Variants in C10orf67 observed in about 807,000 individuals in gnomAD.
The protein encoded by C10orf67 is chromosome 10 open reading frame 67, also known as uncharacterized protein C10orf67, mitochondrial.
C10orf67 carries 60 observed loss-of-function variants against 35.6 expected under a neutral mutation model. That is an observed-to-expected ratio of 1.68 (90% CI 1.37 to 2.09). C10orf67 has a LOEUF of 2.09. C10orf67 is among the 30% of genes most tolerant of loss of function. The pLI, the probability that C10orf67 is intolerant of heterozygous loss-of-function variation, is 0.00. For missense variants in C10orf67, 474 were observed against 330.2 expected (o/e 1.44, Z -3.38); for synonymous variants, 167 against 115.8 (o/e 1.44, Z -2.84).
intron 2 of C10orf67, among the ~76,000 whole-genome samples, chr10:23,325,946 C>T (rs933623225): frequency 1.3e-5 from 2 of 151,560 alleles, no homozygotes; most frequent in African/African-American, 4.8e-5. Flanking sequence ...AACAGAAGAA[C>T]AAAGATGGCA....
chr10:23,205,656 A>T (rs542371526), intron 15 of C10orf67, among the ~76,000 whole-genome samples: 1 of 152,334 alleles, frequency 6.6e-6, no homozygotes, highest in African/African-American at 2.4e-5. Context: ...AAATGTCCTG[A>T]ACAATCTGGG....
rs145447346 is a variant in C10orf67 at position 23,290,217 on chromosome 10, C to T, written c.851-259G>A. 3.0e-3 allele frequency among the ~76,000 whole-genome samples: 456 copies of T among 152,250 alleles called. 2 individuals are homozygous for T. Among genetic ancestry groups the T allele is most frequent in the African/African-American group, 0.01 (417 of 41,552 alleles). Reference sequence around the variant, plus strand: ...GCTGAAAGCTTTTCATCAATACTAGCGACGGACATTTTTGCTGTTGGTCAC... The same window carrying T: ...GCTGAAAGCTTTTCATCAATACTAGTGACGGACATTTTTGCTGTTGGTCAC... On this transcript the variant is annotated intron_variant, in intron 6 of 15. Transcript: ENST00000636213.
intron 15 of C10orf67, among the ~76,000 whole-genome samples, chr10:23,220,371 C>A (rs1284730875): frequency 6.6e-6 from 1 of 152,096 alleles, no homozygotes. Flanking sequence ...ATCCTCATAA[C>A]AAACCTATGA....
intron 12 of C10orf67, among the ~76,000 whole-genome samples, chr10:23,248,106 C>T (rs1239086226): frequency 2.0e-5 from 3 of 152,106 alleles, no homozygotes; most frequent in African/African-American, 4.8e-5. Flanking sequence ...ATATGCAAGC[C>T]AGAGTGGCAC....
intron 1 of C10orf67, among the ~76,000 whole-genome samples, chr10:23,335,008 G>T (rs1332505922): frequency 6.6e-6 from 1 of 152,084 alleles, no homozygotes; most frequent in Non-Finnish European, 1.5e-5. Context: ...GGCCAATATG[G>T]CAAAACCCCG....
At chr10:23,295,818 C>T (rs1361340723) in intron 5 of C10orf67, among the ~76,000 whole-genome samples, 1 of 152,096 alleles carries the variant, frequency 6.6e-6, no homozygotes, top group Non-Finnish European at 1.5e-5. Flanking sequence ...CTTCCTAGTC[C>T]AAGATATATA....
At chr10:23,263,119 C>T (rs1233134517) in intron 10 of C10orf67, among the ~76,000 whole-genome samples, 3 of 152,134 alleles carry the variant, frequency 2.0e-5, no homozygotes, top group Non-Finnish European at 2.9e-5. Context: ...GGATAAACAA[C>T]AGGTAAAGTG....
chr10:23,252,696 T>A (rs991921389), intron 10 of C10orf67, among the ~76,000 whole-genome samples: 2 of 152,204 alleles, frequency 1.3e-5, no homozygotes, highest in Non-Finnish European at 2.9e-5. Context: ...GAACAAACAA[T>A]AAGAATAGGA....
At chr10:23,276,787 G>A (rs1843201945) in intron 8 of C10orf67, among the ~76,000 whole-genome samples, 1 of 152,010 alleles carries the variant, frequency 6.6e-6, no homozygotes, top group Non-Finnish European at 1.5e-5. Flanking sequence ...TTCCTTATGT[G>A]GAAATTTGGA....
intron 4 of C10orf67, among the ~76,000 whole-genome samples, chr10:23,313,324 G>A (rs1054165900): frequency 3.3e-5 from 5 of 152,184 alleles, no homozygotes; most frequent in South Asian, 2.1e-4. Context: ...GAATCAAAAC[G>A]TGAGTGAAAG....
intron 4 of C10orf67, among the ~76,000 whole-genome samples, chr10:23,306,681 C>T (rs567467323): frequency 3.3e-5 from 5 of 151,994 alleles, no homozygotes; most frequent in Non-Finnish European, 5.9e-5. Flanking sequence ...TGGTTAATAA[C>T]GCTGTATTGT....
chr10:23,261,128 T>C (rs1361432124), intron 10 of C10orf67, among the ~76,000 whole-genome samples: 1 of 152,156 alleles, frequency 6.6e-6, no homozygotes, highest in Non-Finnish European at 1.5e-5. Flanking sequence ...TTCATGGTAT[T>C]AGGTGTAGAT....
chr10:23,315,729 G>C (rs1470799441), intron 4 of C10orf67, among the ~76,000 whole-genome samples: 1 of 152,092 alleles, frequency 6.6e-6, no homozygotes, highest in Non-Finnish European at 1.5e-5. Context: ...GCATGAGCCT[G>C]GCCAAAAGCA....
intron 10 of C10orf67, among the ~76,000 whole-genome samples, chr10:23,265,499 C>T (rs1842864504): frequency 6.6e-6 from 1 of 152,336 alleles, no homozygotes; most frequent in South Asian, 2.1e-4. Flanking sequence ...ATATGTGTCA[C>T]CAATTGGGTT....
At chr10:23,212,418 G>T (rs182243304) in intron 15 of C10orf67, among the ~76,000 whole-genome samples, 38 of 152,286 alleles carry the variant, frequency 2.5e-4, no homozygotes, top group African/African-American at 8.9e-4. Context: ...CATCCTGATG[G>T]TCAAGAATAA....
In C10orf67 at chr10:23,344,605, C is replaced by A. The variant is rs866822223; in HGVS notation, c.170G>T (p.Arg57Leu). ...GCGCATTTGCGGGGGCTTGAATTCC[C>A]GAGCTTCTCGCTTCCTACGCGCGCA... ...VCCARRKREA[R>L]EFKPPQMRGS... The change falls in exon 1 of 16, where the codon CGG becomes CTG. Residue 57 changes from arginine to leucine, a missense_variant. Physicochemically the swap from Arg to Leu is moderately radical, Grantham distance 102. Transcript: ENST00000636213. 1 of 1,581,952 alleles carries A rather than the reference C, an allele frequency of 6.3e-7. No individual in the cohort carries two copies. The highest frequency in any genetic ancestry group is 8.6e-7 in the Non-Finnish European group (1 of 1,164,982).
chr10:23,204,035 T>C lies in C10orf67; in HGVS notation c.*138A>G, dbSNP rs1340846775. 5 of 406,854 alleles carry C rather than the reference T, an allele frequency of 1.2e-5. No homozygotes were observed. The highest frequency in any genetic ancestry group is 8.8e-6 in the Non-Finnish European group (2 of 226,560). The allele number at this position is 406,854 out of a possible 1,614,324, so 25.2% of individuals were successfully genotyped here. On this transcript the variant is annotated 3_prime_UTR_variant, in exon 16 of 16. Coordinates refer to ENST00000636213, the MANE Select transcript of C10orf67 (RefSeq NM_001371909.1). ...TATTCGAGCGCAGTGCTGGTTAATA[T>C]ACATAATCTGGAGAGATTAAACAAT... is the stretch of plus-strand genomic sequence containing the variant.
intron 15 of C10orf67, among the ~76,000 whole-genome samples, chr10:23,220,378 A>G (rs79315283): frequency 0.057 from 8,630 of 152,182 alleles, 771 homozygotes; most frequent in African/African-American, 0.19. Flanking sequence ...TAACAAACCT[A>G]TGAGGTGGGG....
chr10:23,315,140 A>G (rs1023527290), intron 4 of C10orf67, among the ~76,000 whole-genome samples: 18 of 152,252 alleles, frequency 1.2e-4, no homozygotes, highest in Non-Finnish European at 1.5e-4. Context: ...CCAACAAGCC[A>G]AAGCAAAGAT....
Sources: allele counts gnomAD v4.1 joint callset (sites outside exome capture counted in the v4.1 genomes callset), GRCh38; gene constraint gnomAD v4.1.1; transcripts MANE v1.5; gene names NCBI Gene and HGNC (gene_info 2026-07-23, HGNC 2026-07-21).